The following PCDHGA8 variants were observed in gnomAD, a reference collection of about 807,000 sequenced individuals.
PCDHGA8 encodes protocadherin gamma-A8.
PCDHGA8 carries 45 observed loss-of-function variants against 59.2 expected under a neutral mutation model. The ratio of observed to expected loss-of-function variants is 0.76; its 90% CI spans 0.60 to 0.98. The LOEUF is 0.98. Among genes scored for constraint, PCDHGA8 ranks in the 50% least tolerant of loss-of-function variants. The pLI is 0.00. For synonymous variants in PCDHGA8, 531 were observed against 519.0 expected, an observed-to-expected ratio of 1.02 and a Z score of -0.32; for missense variants, 1,257 against 1,196.2, an observed-to-expected ratio of 1.05 and a Z score of -0.75.
In PCDHGA8 at chr5:141,393,536, T is replaced by G; in HGVS notation, c.723T>G (p.Val241=). Reference sequence around the variant, plus strand: ...TGGATACAAATGACAATGCCCCGGTTTTTCCTCACCCGATTTACCGAGTGA... The same window carrying G: ...TGGATACAAATGACAATGCCCCGGTGTTTCCTCACCCGATTTACCGAGTGA... ...TVLDTNDNAP[V]FPHPIYRVKV... The change falls in exon 1 of 4, where the codon GTT becomes GTG. Residue 241 remains valine, a synonymous_variant. Transcript: ENST00000398604. The G allele has an allele frequency of 6.2e-7, 1 of 1,613,934 alleles. No homozygotes were observed. The highest frequency in any genetic ancestry group is 1.1e-5 in the South Asian group (1 of 91,080).
intron 1 of PCDHGA8, among the ~76,000 whole-genome samples, chr5:141,444,225 G>A (rs1307884592): frequency 8.0e-6 from 1 of 125,604 alleles, no homozygotes; most frequent in African/African-American, 3.1e-5. Context: ...AGGCTGGAGT[G>A]CAATGGCATG....
intron 2 of PCDHGA8, among the ~76,000 whole-genome samples, chr5:141,501,290 TACACACACACACACACACACACAC>T (rs55762287): frequency 7.3e-6 from 1 of 136,162 alleles, no homozygotes; most frequent in African/African-American, 2.7e-5. Flanking sequence ...TATTCCCTTA[TACACACACACACACACACACACAC>T]ACACACACAC....
In PCDHGA8 at chr5:141,431,964, A is replaced by G; in HGVS notation, c.2424+36727A>G. On this transcript the variant is annotated intron_variant, in intron 1 of 3. Coordinates refer to ENST00000398604, the MANE Select transcript of PCDHGA8 (RefSeq NM_032088.2). The surrounding 1 kb of genome is among the most constrained non-coding windows in gnomAD (Gnocchi z 4.8). Reference sequence around the variant, plus strand: ...TTAGAAAAATCTTACGGAAATTACTATAGTTTAGTCACAGACATAGTCTTG... The same window carrying G: ...TTAGAAAAATCTTACGGAAATTACTGTAGTTTAGTCACAGACATAGTCTTG... 2.5e-6 allele frequency: 4 copies of G among 1,614,218 alleles called. No individual in the cohort carries two copies. The highest frequency in any genetic ancestry group is 2.5e-6 in the Non-Finnish European group (3 of 1,180,028).
Position 141,393,720 on chromosome 5 carries a change from A to T in PCDHGA8, c.907A>T (p.Ile303Leu), listed in dbSNP as rs371093729. ...TAATGAAAATACTGGGGAAATATCA[A>T]TAGCAAAAAGTCTAGATTATGAAGA... ...QLNENTGEIS[I>L]AKSLDYEECS... Residue 303 changes from isoleucine to leucine, a missense_variant, in exon 1 of 4, where the codon ATA (isoleucine) becomes TTA (leucine). Transcript: ENST00000398604. 5.0e-6 allele frequency: 8 copies of T among 1,613,888 alleles called. No homozygotes were observed. The South Asian group carries it at 8.8e-5, about 18-fold the overall frequency.
In PCDHGA8 at chr5:141,404,831, C is replaced by T. The variant is rs760971907; in HGVS notation, c.2424+9594C>T. 12 of 1,613,738 alleles carry T rather than the reference C, an allele frequency of 7.4e-6. No homozygotes were observed. The highest frequency in any genetic ancestry group is 3.3e-5 in the Admixed American group (2 of 59,978). On this transcript the variant is annotated intron_variant, in intron 1 of 3. Transcript: ENST00000398604. ...GGTGGGGCTGCACACAGGTGAAGTGCGCACAGCTCGGGCCCTGCTAGATAG... is the reference window on the plus strand; with the variant it reads ...GGTGGGGCTGCACACAGGTGAAGTGTGCACAGCTCGGGCCCTGCTAGATAG...
chr5:141,406,344 A>G (rs1227863234), intron 1 of PCDHGA8, among the ~76,000 whole-genome samples: 1 of 152,148 alleles, frequency 6.6e-6, no homozygotes, highest in Non-Finnish European at 1.5e-5. Flanking sequence ...TCATTTATTC[A>G]GGTCATACTA....
intron 1 of PCDHGA8, chr5:141,397,952 C>A: frequency 1.0e-6 from 1 of 959,530 alleles, no homozygotes; most frequent in Non-Finnish European, 1.5e-6. Context: ...CCAGGGCAGC[C>A]CCAGCTCAGA....
chr5:141,410,844 TTTGTC>T, intron 1 of PCDHGA8: 1 of 422,400 alleles, frequency 2.4e-6, no homozygotes, highest in Non-Finnish European at 3.9e-6. Context: ...ATATTTTGTC[TTTGTC>T]TTTTTTTTTT....
chr5:141,465,019 G>T (rs533151051), intron 1 of PCDHGA8, among the ~76,000 whole-genome samples: 1 of 151,978 alleles, frequency 6.6e-6, no homozygotes, highest in Non-Finnish European at 1.5e-5. Context: ...TAAGATTACA[G>T]CCATGAACCA....
intron 1 of PCDHGA8, among the ~76,000 whole-genome samples, chr5:141,430,411 C>T (rs879587751): frequency 3.3e-5 from 5 of 150,942 alleles, no homozygotes; most frequent in African/African-American, 1.2e-4. Flanking sequence ...ACTAAAGTTT[C>T]TATTAAAGCG....
At chr5:141,423,495 C>T in intron 1 of PCDHGA8, 1 of 1,613,946 alleles carries the variant, frequency 6.2e-7, no homozygotes, top group African/African-American at 1.3e-5. Context: ...CCTATTCCCA[C>T]GAGGTCTCTC....
chr5:141,499,457 T>G (rs1000400491), intron 2 of PCDHGA8, among the ~76,000 whole-genome samples: 1 of 152,214 alleles, frequency 6.6e-6, no homozygotes, highest in African/African-American at 2.4e-5. Context: ...CCCATCATTT[T>G]ACAATCTAGG....
At chr5:141,448,069 T>C (rs1184496754) in intron 1 of PCDHGA8, among the ~76,000 whole-genome samples, 1 of 151,202 alleles carries the variant, frequency 6.6e-6, no homozygotes, top group Non-Finnish European at 1.5e-5. Context: ...CTGGGCAACA[T>C]GAACGAAATG....
chr5:141,489,359 AG>A lies in PCDHGA8; in HGVS notation c.2425-5447del. On this transcript the variant is annotated intron_variant, in intron 1 of 3. Coordinates refer to ENST00000398604, the MANE Select transcript of PCDHGA8 (RefSeq NM_032088.2). The surrounding 1 kb of genome is among the most constrained non-coding windows in gnomAD (Gnocchi z 4.5). ...CGTTACTCAGTGGTGGAGGAGTCTG[AG>A]CCGGGGACGCTGGTGGGGAATGTTG... 1 of 1,613,110 alleles carries A rather than the reference AG, an allele frequency of 6.2e-7. No homozygotes were observed. The highest frequency in any genetic ancestry group is 1.1e-5 in the South Asian group (1 of 90,984).
intron 1 of PCDHGA8, chr5:141,414,687 T>G: frequency 1.2e-6 from 2 of 1,614,004 alleles, no homozygotes; most frequent in East Asian, 4.5e-5. Flanking sequence ...AGGGGGTACC[T>G]CTGTCCTCAT....
rs2099746025 is a variant in PCDHGA8 at position 141,493,066 on chromosome 5, T to C, written c.2425-1741T>C. On this transcript the variant is annotated intron_variant, in intron 1 of 3. Coordinates refer to ENST00000398604, the MANE Select transcript of PCDHGA8 (RefSeq NM_032088.2). This position sits in a 1 kb window ranked among gnomAD's most constrained non-coding sequence, Gnocchi z 4.3. ...AACTACAATAGTAAAAAACACAAGT[T>C]TCTCCAACTCCAGGAGCTTTTATTC... Among the ~76,000 whole-genome samples the C allele has an allele frequency of 6.6e-6, 1 of 152,202 alleles. No homozygotes were observed. Among genetic ancestry groups the C allele is most frequent in the East Asian group, 1.9e-4 (1 of 5,194 alleles).
chr5:141,404,754 A>G, intron 1 of PCDHGA8: 1 of 1,612,286 alleles, frequency 6.2e-7, no homozygotes, highest in Non-Finnish European at 8.5e-7. Flanking sequence ...TCAGGCCAGA[A>G]TGCTTGGCTC....
At position 141,487,543 on chromosome 5, in the gene PCDHGA8, A is replaced by G. The variant is rs2099649285; in HGVS notation, c.2425-7264A>G. On this transcript the variant is annotated intron_variant, in intron 1 of 3. Coordinates refer to ENST00000398604, the MANE Select transcript of PCDHGA8 (RefSeq NM_032088.2). This position sits in a 1 kb window ranked among gnomAD's most constrained non-coding sequence, Gnocchi z 5.0. ...GTGATAGCTTCATGATGGTGAAGTC[A>G]CCCAGTGCACCTATGGCAGGGGAGC... is the stretch of plus-strand genomic sequence containing the variant. The G allele has an allele frequency of 3.7e-6, 6 of 1,614,114 alleles. No homozygotes were observed. In the South Asian group the frequency reaches 5.5e-5, roughly 15 times the overall value.
chr5:141,410,849 C>CTTTTTTTTTGTTTTTTTT (rs2095433801), intron 1 of PCDHGA8: 1 of 129,786 alleles, frequency 7.7e-6, no homozygotes, highest in African/African-American at 6.0e-5. Context: ...TTGTCTTTGT[C>CTTTTTTTTTGTTTTTTTT]TTTTTTTTTT....
Sources: gnomAD v4.1 joint callset for allele counts (sites outside exome capture counted in the v4.1 genomes callset) on GRCh38, gnomAD v4.1.1 for gene constraint, Gnocchi (gnomAD v3.1) non-coding constraint, MANE v1.5 for transcripts, NCBI Gene and HGNC (gene_info 2026-07-23, HGNC 2026-07-21) for gene names.